Variants in NCEH1 observed in about 807,000 individuals in gnomAD.
The protein encoded by NCEH1 is neutral cholesterol ester hydrolase 1.
In NCEH1, 9 loss-of-function variants were observed where a neutral mutation model predicts 25.4. The ratio of observed to expected loss-of-function variants is 0.35; its 90% CI spans 0.21 to 0.62. The LOEUF is 0.62. Ranked by LOEUF, NCEH1 falls within the 20% of genes least tolerant of loss-of-function variation. NCEH1 has a pLI of 0.72. For missense variants in NCEH1, 412 were observed against 501.1 expected (o/e 0.82, Z 1.70); for synonymous variants, 200 against 199.8 (o/e 1.00, Z -0.01).
intron 1 of NCEH1, among the ~76,000 whole-genome samples, chr3:172,709,664 A>T (rs896809692): frequency 6.6e-6 from 1 of 152,226 alleles, no homozygotes; most frequent in African/African-American, 2.4e-5. Context: ...GACTTTTCAT[A>T]GGATAAAGCC....
chr3:172,690,004 C>T (rs1299276935), intron 1 of NCEH1, among the ~76,000 whole-genome samples: 12 of 150,958 alleles, frequency 7.9e-5, no homozygotes, highest in African/African-American at 2.2e-4. Flanking sequence ...CCCGGGTTCA[C>T]GCCATTCTCC....
rs1325394964 is a variant in NCEH1, at chr3:172,633,251, T to C, written c.*224A>G. 1.3e-5 allele frequency: 7 copies of C among 534,006 alleles called. No individual in the cohort carries two copies. The highest frequency in any genetic ancestry group is 5.0e-4 in the Middle Eastern group (1 of 1,988). 33.1% of individuals were successfully genotyped at this position (534,006 alleles called of 1,614,324 possible). On this transcript the variant is annotated 3_prime_UTR_variant, in exon 5 of 5. Coordinates refer to ENST00000475381, the MANE Select transcript of NCEH1 (RefSeq NM_020792.6). ...GGCTAAGATAACAAGAACAGAGAGA[T>C]TGGCCCACTCTGGGAACCAAATTTA...
rs1717362772 is a variant in NCEH1, at chr3:172,650,811, C to CAAA, written c.139-2698_139-2697insTTT. On this transcript the variant is annotated intron_variant, in intron 1 of 4. Transcript: ENST00000475381. ...TGGATGACAGAGCGAGACTCTGCCT[C>CAAA]GAAAAAAAAAAAAAAAAAAAAAAAA... Among the ~76,000 whole-genome samples the CAAA allele has an allele frequency of 6.7e-5, 6 of 89,982 alleles. 1 individual carries two copies. The highest frequency in any genetic ancestry group is 6.2e-5 in the Non-Finnish European group (3 of 48,588). The allele number at this position is 89,982 out of a possible 152,430, so 59.0% of individuals were successfully genotyped here. A position where few individuals can be genotyped will look rare whatever the true frequency, so the allele number is the denominator to read the frequency against.
rs1424197103 is a variant in NCEH1 at position 172,648,096 on chromosome 3, G to C, written c.157C>G (p.Leu53Val). ...GCCAGCAGGTGATGGCTCAGTCCCA[G>C]GTAGTGGATCAGGTTACTCTGCAGG... Reference protein sequence around the residue: ...AQQVSNLIHYLGLSHHLLALN... With the variant: ...AQQVSNLIHYVGLSHHLLALN... Residue 53 changes from leucine (L) to valine (V), a missense_variant, in exon 2 of 5, where the codon CTG becomes GTG. Coordinates refer to ENST00000475381, the MANE Select transcript of NCEH1 (RefSeq NM_020792.6). The C allele has an allele frequency of 2.5e-6, 4 of 1,614,006 alleles. No individual in the cohort carries two copies. In the Admixed American group the frequency reaches 5.0e-5, roughly 20 times the overall value.
rs564003260 is a variant in NCEH1, at chr3:172,630,941, A to G, written c.*2534T>C. 3.7e-4 allele frequency: 54 copies of G among 146,050 alleles called. No individual in the cohort carries two copies. Among genetic ancestry groups the G allele is most frequent in the African/African-American group, 1.2e-3 (51 of 40,934 alleles). 9.0% of individuals were successfully genotyped at this position (146,050 alleles called of 1,614,324 possible). A position where few individuals can be genotyped will look rare whatever the true frequency, so the allele number is the denominator to read the frequency against. On this transcript the variant is annotated 3_prime_UTR_variant, in exon 5 of 5. Coordinates refer to ENST00000475381, the MANE Select transcript of NCEH1 (RefSeq NM_020792.6). ...CTTCAAGGTTTTTCTTTATATATTA[A>G]TGTTTATATTTCACAGACAATTTTA... is the stretch of plus-strand genomic sequence containing the variant.
chr3:172,666,314 T>C (rs1003974541), intron 1 of NCEH1, among the ~76,000 whole-genome samples: 4 of 152,184 alleles, frequency 2.6e-5, no homozygotes, highest in Admixed American at 2.6e-4. Flanking sequence ...CATTTGCATA[T>C]TAAAGGGCTA....
chr3:172,673,348 G>C (rs569138859), intron 1 of NCEH1, among the ~76,000 whole-genome samples: 1 of 152,102 alleles, frequency 6.6e-6, no homozygotes, highest in Non-Finnish European at 1.5e-5. Context: ...GCTCTTAGCC[G>C]GCAAACAGCC....
chr3:172,646,410 A>T (rs1028285924), intron 2 of NCEH1, among the ~76,000 whole-genome samples: 1 of 152,176 alleles, frequency 6.6e-6, no homozygotes, highest in Non-Finnish European at 1.5e-5. Flanking sequence ...GCTGCAGTTC[A>T]GTAAAGTGAT....
At chr3:172,699,040 A>G (rs1256488424) in intron 1 of NCEH1, among the ~76,000 whole-genome samples, 1 of 152,254 alleles carries the variant, frequency 6.6e-6, no homozygotes, top group African/African-American at 2.4e-5. Flanking sequence ...GAGCCTGTAC[A>G]TAAGTAGCAA....
At chr3:172,678,276 C>T (rs988616762) in intron 1 of NCEH1, among the ~76,000 whole-genome samples, 4 of 152,154 alleles carry the variant, frequency 2.6e-5, no homozygotes, top group Non-Finnish European at 5.9e-5. Context: ...ACAATAAGGA[C>T]AATTTCTACA....
intron 1 of NCEH1, among the ~76,000 whole-genome samples, chr3:172,690,858 A>AT (rs546888936): frequency 3.6e-4 from 54 of 151,738 alleles, no homozygotes; most frequent in Admixed American, 2.6e-3. Flanking sequence ...ATTATAGGTA[A>AT]TTTTTTTTTC....
intron 1 of NCEH1, among the ~76,000 whole-genome samples, chr3:172,685,650 C>T (rs996977398): frequency 6.6e-6 from 1 of 152,020 alleles, no homozygotes; most frequent in Non-Finnish European, 1.5e-5. Flanking sequence ...TTCTGCAACC[C>T]TAACTTTTTT....
intron 3 of NCEH1, 139 bp downstream of exon 3, chr3:172,645,484 G>A: frequency 1.9e-6 from 1 of 524,806 alleles, no homozygotes; most frequent in South Asian, 3.5e-5. Flanking sequence ...TGATTATGCT[G>A]AGTGTGACTT....
chr3:172,687,869 T>C (rs534703214), intron 1 of NCEH1, among the ~76,000 whole-genome samples: 2 of 152,366 alleles, frequency 1.3e-5, no homozygotes, highest in Non-Finnish European at 2.9e-5. Context: ...GTTTGAAAGT[T>C]TGATCACATC....
intron 3 of NCEH1, among the ~76,000 whole-genome samples, chr3:172,640,505 T>TTTA (rs1553827832): frequency 2.0e-5 from 3 of 151,302 alleles, no homozygotes; most frequent in Non-Finnish European, 4.4e-5. Context: ...TATTTATTTA[T>TTTA]TTTATTTATT....
chr3:172,663,416 GC>G (rs1425468869), intron 1 of NCEH1, among the ~76,000 whole-genome samples: 1 of 152,198 alleles, frequency 6.6e-6, no homozygotes, highest in Non-Finnish European at 1.5e-5. Flanking sequence ...GCAATGTGGT[GC>G]TGAGAAGAAT....
chr3:172,646,195 A>AT (rs869216045), intron 2 of NCEH1, among the ~76,000 whole-genome samples: 10 of 151,938 alleles, frequency 6.6e-5, no homozygotes, highest in African/African-American at 2.2e-4. Context: ...CTATAAAAAA[A>AT]TTTTTTTTAA....
intron 1 of NCEH1, among the ~76,000 whole-genome samples, chr3:172,649,144 T>A (rs1359600071): frequency 6.6e-6 from 1 of 152,150 alleles, no homozygotes; most frequent in African/African-American, 2.4e-5. Context: ...TGTGTGCTCA[T>A]CGCCTCAGCC....
intron 1 of NCEH1, among the ~76,000 whole-genome samples, chr3:172,696,749 T>C (rs1713400373): frequency 1.3e-5 from 2 of 152,198 alleles, no homozygotes; most frequent in South Asian, 4.1e-4. Flanking sequence ...TGAGGTGTTT[T>C]GTGAAATAAG....
Sources: allele counts gnomAD v4.1 joint callset (sites outside exome capture counted in the v4.1 genomes callset), GRCh38; gene constraint gnomAD v4.1.1; transcripts MANE v1.5; gene names NCBI Gene and HGNC (gene_info 2026-07-23, HGNC 2026-07-21).